Variants in STAU2 observed in about 807,000 individuals in gnomAD.
STAU2 encodes the protein staufen double-stranded RNA binding protein 2.
Under a neutral mutation model 65.9 loss-of-function variants are expected in STAU2, and 20 were observed. The ratio of observed to expected loss-of-function variants is 0.30; its 90% confidence interval spans 0.21 to 0.44. STAU2 has a LOEUF of 0.44. Ranked by LOEUF, STAU2 falls within the 20% of genes least tolerant of loss-of-function variation. STAU2 has a pLI of 1.00. For missense variants in STAU2, 558 were observed against 683.9 expected (o/e 0.82, Z 2.05); for synonymous variants, 232 against 233.9 (o/e 0.99, Z 0.07).
intron 6 of STAU2, among the ~76,000 whole-genome samples, chr8:73,625,132 A>G (rs1026248935): frequency 6.6e-6 from 1 of 152,214 alleles, no homozygotes; most frequent in East Asian, 1.9e-4. Flanking sequence ...AAAATGGTGC[A>G]GTTGCTATGG....
intron 5 of STAU2, among the ~76,000 whole-genome samples, chr8:73,684,098 G>A (rs1818623792): frequency 6.6e-6 from 1 of 151,928 alleles, no homozygotes; most frequent in South Asian, 2.1e-4. Flanking sequence ...CACACTACTA[G>A]AAAAAACAAT....
intron 13 of STAU2, among the ~76,000 whole-genome samples, chr8:73,549,136 C>T (rs1215661166): frequency 6.6e-6 from 1 of 152,098 alleles, no homozygotes; most frequent in Non-Finnish European, 1.5e-5. Context: ...AACCCTGAAA[C>T]ACTATGGTAG....
rs143999038 is a variant in STAU2, at chr8:73,421,320, C to A, written c.*52G>T. The A allele has an allele frequency of 2.1e-6, 3 of 1,458,330 alleles. No individual in the cohort carries two copies. The highest frequency in any genetic ancestry group is 2.8e-6 in the Non-Finnish European group (3 of 1,075,760). The allele number at this position is 1,458,330 out of a possible 1,614,324, so 90.3% of individuals were successfully genotyped here. A position where few individuals can be genotyped will look rare whatever the true frequency, so the allele number is the denominator to read the frequency against. On this transcript the variant is annotated 3_prime_UTR_variant, in exon 15 of 15. Transcript: ENST00000524300. ...TTCCCTGAACACAGACACCCTCATGCGTGCTGACAGGTTTATAAGGATGCG... is the reference window on the plus strand; with the variant it reads ...TTCCCTGAACACAGACACCCTCATGAGTGCTGACAGGTTTATAAGGATGCG...
chr8:73,717,760 G>T (rs188096017), intron 3 of STAU2, among the ~76,000 whole-genome samples: 1 of 151,700 alleles, frequency 6.6e-6, no homozygotes, highest in African/African-American at 2.4e-5. Flanking sequence ...CGATTCTGCC[G>T]CCTATTTACC....
At chr8:73,467,011 T>C (rs1357487739) in intron 13 of STAU2, among the ~76,000 whole-genome samples, 1 of 152,232 alleles carries the variant, frequency 6.6e-6, no homozygotes, top group Non-Finnish European at 1.5e-5. Context: ...TTCAAGGCCT[T>C]AGACATAAAC....
intron 6 of STAU2, among the ~76,000 whole-genome samples, chr8:73,655,505 T>C (rs1235019178): frequency 6.6e-6 from 1 of 152,012 alleles, no homozygotes; most frequent in Non-Finnish European, 1.5e-5. Flanking sequence ...CATAATTCTA[T>C]GCAACAAAAA....
At chr8:73,688,410 C>T (rs1171416957) in intron 5 of STAU2, among the ~76,000 whole-genome samples, 1 of 152,018 alleles carries the variant, frequency 6.6e-6, no homozygotes, top group Non-Finnish European at 1.5e-5. Flanking sequence ...ACATGATCCA[C>T]CCGCCTCGGC....
chr8:73,457,869 A>G (rs1451589893), intron 13 of STAU2, among the ~76,000 whole-genome samples: 1 of 152,192 alleles, frequency 6.6e-6, no homozygotes, highest in East Asian at 1.9e-4. Context: ...CCCTTGTTGC[A>G]CTGGGTGTGA....
At chr8:73,438,481 CA>C (rs1458783225) in intron 13 of STAU2, among the ~76,000 whole-genome samples, 1 of 152,224 alleles carries the variant, frequency 6.6e-6, no homozygotes, top group Admixed American at 6.5e-5. Context: ...CAAAGCCACT[CA>C]GATTGGCTGC....
Position 73,720,483 on chromosome 8 carries a change from T to G in STAU2, c.-17-11321A>C, listed in dbSNP as rs542477819. On this transcript the variant is annotated intron_variant, in intron 3 of 14. Coordinates refer to ENST00000524300, the MANE Select transcript of STAU2 (RefSeq NM_001164380.2). The stretch of plus-strand genomic sequence containing the variant: ...CTAATGTTGTATTGCTGTTGTCATT[T>G]AGTTTAAAATACTTTCTTTTTTTTT... Among the ~76,000 whole-genome samples the G allele has an allele frequency of 4.0e-5, 6 of 149,184 alleles. No individual in the cohort carries two copies. The South Asian group carries it at 1.3e-3, about 32-fold the overall frequency.
chr8:73,574,217 T>C (rs1037714858), intron 12 of STAU2, among the ~76,000 whole-genome samples: 9 of 152,262 alleles, frequency 5.9e-5, no homozygotes, highest in South Asian at 2.1e-4. Flanking sequence ...TACCATCTCA[T>C]ACCAGTTAGA....
intron 8 of STAU2, 129 bp from the exon 9 acceptor site, chr8:73,614,085 C>G (rs1812660421): frequency 1.5e-6 from 1 of 655,318 alleles, no homozygotes; most frequent in Admixed American, 3.3e-5. Context: ...TTTAAGAAAG[C>G]TATTATGAAG....
chr8:73,669,308 T>C lies in STAU2; in HGVS notation c.410+3799A>G, dbSNP rs200673149. Reference sequence around the variant, plus strand: ...TAAAGACACTCCAAAAAAGGAAAAGTCCATATTATCTATTCATGGAATGGC... The same window carrying C: ...TAAAGACACTCCAAAAAAGGAAAAGCCCATATTATCTATTCATGGAATGGC... On this transcript the variant is annotated intron_variant, in intron 6 of 14. Transcript: ENST00000524300. Among the ~76,000 whole-genome samples, 66 of 152,232 alleles carry C rather than the reference T, an allele frequency of 4.3e-4. No homozygotes were observed. The East Asian group carries it at 0.013, about 29-fold the overall frequency.
chr8:73,472,309 A>G (rs898901805), intron 13 of STAU2, among the ~76,000 whole-genome samples: 4 of 152,220 alleles, frequency 2.6e-5, no homozygotes, highest in South Asian at 2.1e-4. Context: ...TGAATTATAC[A>G]TGGTAACTGA....
At chr8:73,482,582 G>T (rs1820690812) in intron 13 of STAU2, among the ~76,000 whole-genome samples, 1 of 152,048 alleles carries the variant, frequency 6.6e-6, no homozygotes, top group South Asian at 2.1e-4. Flanking sequence ...ATTCTGCCCT[G>T]CATTTAACAT....
intron 3 of STAU2, among the ~76,000 whole-genome samples, chr8:73,724,595 A>G (rs1239593208): frequency 6.6e-6 from 1 of 151,532 alleles, no homozygotes; most frequent in Non-Finnish European, 1.5e-5. Context: ...CTGTAGTCTA[A>G]CTTAAGTGTT....
At chr8:73,711,924 G>C in intron 3 of STAU2, among the ~76,000 whole-genome samples, 2 of 152,042 alleles carry the variant, frequency 1.3e-5, no homozygotes, top group South Asian at 4.1e-4. Flanking sequence ...TTTTAAAAAG[G>C]GATTAAAACA....
At chr8:73,743,421 T>C (rs1171424236) in intron 1 of STAU2, among the ~76,000 whole-genome samples, 1 of 152,068 alleles carries the variant, frequency 6.6e-6, no homozygotes, top group African/African-American at 2.4e-5. Flanking sequence ...AAAGTCGTCT[T>C]TTCTTCACTA....
chr8:73,535,682 T>TA (rs1806135999), intron 13 of STAU2, among the ~76,000 whole-genome samples: 1 of 152,230 alleles, frequency 6.6e-6, no homozygotes, highest in Non-Finnish European at 1.5e-5. Flanking sequence ...GACATACCTA[T>TA]ATACATCATT....
Sources: allele counts gnomAD v4.1 joint callset (sites outside exome capture counted in the v4.1 genomes callset), GRCh38; gene constraint gnomAD v4.1.1; transcripts MANE v1.5; gene names NCBI Gene and HGNC (gene_info 2026-07-23, HGNC 2026-07-21).